Variants in COL6A3 observed in about 807,000 individuals in gnomAD.
COL6A3 encodes collagen alpha-3(VI) chain.
A neutral mutation model predicts 274.1 loss-of-function variants in COL6A3; 137 were observed. That is an observed-to-expected ratio of 0.50 (90% CI 0.44 to 0.58). COL6A3 has a LOEUF of 0.58. COL6A3 is among the 20% of genes least tolerant of loss of function. The probability of loss-of-function intolerance (pLI) is 0.00; values close to 1 mark genes in which losing one functional copy is unlikely to be tolerated. For synonymous variants in COL6A3, 1,650 were observed against 1,650.6 expected (o/e 1.00, Z 0.01); for missense variants, 3,950 against 4,124.9 (o/e 0.96, Z 1.16).
At position 237,387,715 on chromosome 2, in the gene COL6A3, A is replaced by G. The variant is rs774616179; in HGVS notation, c.1179T>C (p.Ala393=). 2.5e-6 allele frequency: 4 copies of G among 1,614,108 alleles called. No homozygotes were observed. The East Asian group carries it at 6.7e-5, about 27-fold the overall frequency. ...CAGTAAACACCAAGTTGTCATCGGTAGCTATGTGCTGAAGCTCTGCCCTGG... is the reference window on the plus strand; with the variant it reads ...CAGTAAACACCAAGTTGTCATCGGTGGCTATGTGCTGAAGCTCTGCCCTGG... The part of the protein sequence containing the change: ...AASRAELQHI[A]TDDNLVFTVP... The change falls in exon 4 of 44, where the codon GCT becomes GCC. Residue 393 remains alanine (A), a synonymous_variant. Coordinates refer to ENST00000295550, the MANE Select transcript of COL6A3 (RefSeq NM_004369.4).
chr2:237,337,237 T>A (rs1574933533), intron 39 of COL6A3, among the ~76,000 whole-genome samples: 1 of 152,158 alleles, frequency 6.6e-6, no homozygotes, highest in East Asian at 1.9e-4. Context: ...CAAGTTAATA[T>A]CATAAGACTT....
intron 38 of COL6A3, among the ~76,000 whole-genome samples, chr2:237,339,531 G>A (rs2076941432): frequency 6.6e-6 from 1 of 152,200 alleles, no homozygotes; most frequent in Admixed American, 6.5e-5. Flanking sequence ...CAGGAACAGT[G>A]ACCTGTGGGT....
rs2077383218 is a variant in COL6A3, at chr2:237,359,247, C to T, written c.6313G>A (p.Glu2105Lys). The T allele has an allele frequency of 3.7e-6, 6 of 1,614,112 alleles. No homozygotes were observed. The highest frequency in any genetic ancestry group is 2.2e-5 in the East Asian group (1 of 44,902). The change falls in exon 19 of 44, where the codon GAA becomes AAA. Residue 2105 changes from glutamate (E) to lysine (K), a missense_variant. Coordinates refer to ENST00000295550, the MANE Select transcript of COL6A3 (RefSeq NM_004369.4). ...CCATCCAGTCCAATTTCTCCTACTT[C>T]GCCCTAAGAGGGAATAAGGCGGACA... ...GSRGFPGEKG[E>K]VGEIGLDGLD...
At chr2:237,366,502 T>C (rs1299622669) in intron 11 of COL6A3, among the ~76,000 whole-genome samples, 185 bp downstream of exon 11, 1 of 152,186 alleles carries the variant, frequency 6.6e-6, no homozygotes, top group East Asian at 1.9e-4. Flanking sequence ...CTTCTACTCT[T>C]GTCTTGGAAG....
chr2:237,346,164 T>C lies in COL6A3; in HGVS notation c.7092+339A>G, dbSNP rs771134896. ...CCAAGGCCTGGCATAATTACACTGC[T>C]TCTACAAGATGCAAGCAAAAGGTAT... On this transcript the variant is annotated intron_variant, in intron 32 of 43. Transcript: ENST00000295550. Among the ~76,000 whole-genome samples the C allele has an allele frequency of 5.9e-5, 9 of 152,174 alleles. No homozygotes were observed. The South Asian group carries it at 8.3e-4, about 14-fold the overall frequency.
chr2:237,325,934 G>A (rs1291565502), intron 42 of COL6A3: 7 of 497,098 alleles, frequency 1.4e-5, no homozygotes, highest in African/African-American at 5.8e-5. Context: ...AGAGATAGAT[G>A]AAATTATATC....
In COL6A3 at chr2:237,348,403, T is replaced by C. The variant is rs771629624; in HGVS notation, c.6931-19A>G. Reference sequence around the variant, plus strand: ...TTTCTCCCTATAAAGGAAAAATAGATTATTTAATACTTGGTTCTAATTTAA... The same window carrying C: ...TTTCTCCCTATAAAGGAAAAATAGACTATTTAATACTTGGTTCTAATTTAA... On this transcript the variant is annotated intron_variant, in intron 29 of 43. Transcript: ENST00000295550. The C allele has an allele frequency of 1.3e-6, 2 of 1,575,198 alleles. No homozygotes were observed. Among genetic ancestry groups the C allele is most frequent in the African/African-American group, 2.7e-5 (2 of 74,122 alleles).
chr2:237,380,773 C>G (rs1025184567), intron 5 of COL6A3, 142 bp downstream of exon 5: 14 of 812,828 alleles, frequency 1.7e-5, no homozygotes, highest in Middle Eastern at 3.4e-4. Flanking sequence ...AAAAGGAAAC[C>G]TGGAATAAAT....
Position 237,367,217 on chromosome 2 carries a change from T to C in COL6A3, c.4970A>G (p.Glu1657Gly). 6.2e-7 allele frequency: 1 copy of C among 1,613,914 alleles called. No homozygotes were observed. Among genetic ancestry groups the C allele is most frequent in the Non-Finnish European group, 8.5e-7 (1 of 1,179,824 alleles). ...SINFRRDSFQEVLRFVSEIVD... is the reference protein window; with the variant it reads ...SINFRRDSFQGVLRFVSEIVD... ...TATTTCAGACACAAAACGAAGCACT[T>C]CCTGGAAACTGTCCCTCCTGAAGTT... The change falls in exon 11 of 44, where the codon GAA (glutamate) becomes GGA (glycine). Residue 1657 changes from glutamate (E) to glycine (G), a missense_variant. Around this residue, in one of 5 missense-constraint regions of COL6A3, gnomAD observed 632 missense variants for 623.4 expected, o/e 1.01. Coordinates refer to ENST00000295550, the MANE Select transcript of COL6A3 (RefSeq NM_004369.4).
rs1439207088 is a variant in COL6A3, at chr2:237,344,572, G to C, written c.7446C>G (p.Ser2482=). 13 of 1,614,180 alleles carry C rather than the reference G, an allele frequency of 8.1e-6. No homozygotes were observed. The Admixed American group carries it at 1.2e-4, about 14-fold the overall frequency. The change falls in exon 36 of 44, where the codon TCC becomes TCG. Residue 2482 remains serine, a synonymous_variant. Transcript: ENST00000295550. The surrounding 1 kb of genome is among the most constrained non-coding windows in gnomAD (Gnocchi z 4.8). ...KIKNLQVALT[S]KQQSLETAMS... Reference sequence around the variant, plus strand: ...TGGCAGTCTCCAGACTCTGCTGTTTGGATGTCAGAGCCACCTGAAGGTTCT... The same window carrying C: ...TGGCAGTCTCCAGACTCTGCTGTTTCGATGTCAGAGCCACCTGAAGGTTCT...
chr2:237,342,538 T>G, intron 36 of COL6A3: 1 of 255,734 alleles, frequency 3.9e-6, no homozygotes, highest in Non-Finnish European at 7.7e-6. Context: ...TTAGCAACAA[T>G]ATGGGAGCTC....
At chr2:237,356,498 C>A (rs1420462216) in intron 23 of COL6A3, among the ~76,000 whole-genome samples, 2 of 152,140 alleles carry the variant, frequency 1.3e-5, no homozygotes, top group Non-Finnish European at 2.9e-5. Context: ...TTTGAAAGCC[C>A]CTCACCCCAG....
At chr2:237,326,622 A>G (rs965971042) in intron 42 of COL6A3, 1 of 152,214 alleles carries the variant, frequency 6.6e-6, no homozygotes, top group Non-Finnish European at 1.5e-5. Flanking sequence ...TTGAAAACGT[A>G]AACCTTCTTT....
In COL6A3 at chr2:237,335,697, G is replaced by A. The variant is rs1340513241; in HGVS notation, c.8965+438C>T. 3.9e-5 allele frequency among the ~76,000 whole-genome samples: 6 copies of A among 152,154 alleles called. No individual in the cohort carries two copies. The East Asian group carries it at 1.2e-3, about 29-fold the overall frequency. The stretch of plus-strand genomic sequence containing the variant: ...AAGGGCTCCCCCAGACCTTTTCAAG[G>A]CATGTTCTAAGGTAGGCGAGTCCGG... On this transcript the variant is annotated intron_variant, in intron 40 of 43. Coordinates refer to ENST00000295550, the MANE Select transcript of COL6A3 (RefSeq NM_004369.4).
chr2:237,380,525 T>A lies in COL6A3; in HGVS notation c.1897+390A>T, dbSNP rs1466700955. Among the ~76,000 whole-genome samples, 7 of 152,102 alleles carry A rather than the reference T, an allele frequency of 4.6e-5. No individual in the cohort carries two copies. The East Asian group carries it at 1.4e-3, about 29-fold the overall frequency. ...CAGACTGGGGCTGTTTAGAAGTAGA[T>A]GGACAACTCAGGAAAGGAAAGCTAC... is the stretch of plus-strand genomic sequence containing the variant. On this transcript the variant is annotated intron_variant, in intron 5 of 43. Transcript: ENST00000295550.
chr2:237,389,088 A>G (rs2078224739), intron 3 of COL6A3, among the ~76,000 whole-genome samples: 1 of 152,194 alleles, frequency 6.6e-6, no homozygotes, highest in Non-Finnish European at 1.5e-5. Flanking sequence ...CCTGATTAGA[A>G]TTAGCCTGGG....
intron 1 of COL6A3, among the ~76,000 whole-genome samples, chr2:237,410,480 G>A (rs1048276182): frequency 6.6e-6 from 1 of 151,540 alleles, no homozygotes; most frequent in Non-Finnish European, 1.5e-5. Flanking sequence ...TTTTTAAAAC[G>A]CTTTTGTAGA....
Position 237,378,602 on chromosome 2 carries a change from G to A in COL6A3, c.2497+34C>T, listed in dbSNP as rs367995243. ...ACCCTCCAGGGTGGTGTCTGAGGAA[G>A]GAGAGGGAGTTCCCGGCAACAGGGG... On this transcript the variant is annotated intron_variant, in intron 6 of 43. Coordinates refer to ENST00000295550, the MANE Select transcript of COL6A3 (RefSeq NM_004369.4). The A allele has an allele frequency of 2.6e-5, 42 of 1,612,150 alleles. No homozygotes were observed. In the African/African-American group the frequency reaches 4.9e-4, roughly 19 times the overall value.
At position 237,374,319 on chromosome 2, in the gene COL6A3, A is replaced by G; in HGVS notation, c.3679+93T>C. 1 of 1,577,124 alleles carries G rather than the reference A, an allele frequency of 6.3e-7. No homozygotes were observed. Among genetic ancestry groups the G allele is most frequent in the African/African-American group, 1.3e-5 (1 of 74,588 alleles). On this transcript the variant is annotated intron_variant, in intron 8 of 43. Transcript: ENST00000295550. This position sits in a 1 kb window ranked among gnomAD's most constrained non-coding sequence, Gnocchi z 4.8. ...TTAGTTTTCACTTCACATGGCAGGA[A>G]AAGCAAAATTGAGAACACCTTGTGG...
Sources: allele counts gnomAD v4.1 joint callset (sites outside exome capture counted in the v4.1 genomes callset), GRCh38; gene constraint gnomAD v4.1.1; regional missense constraint gnomAD v4.1.1; non-coding constraint Gnocchi (gnomAD v3.1); transcripts MANE v1.5; gene names NCBI Gene and HGNC (gene_info 2026-07-23, HGNC 2026-07-21).